Variants in MYO1E observed in about 807,000 individuals in gnomAD.
MYO1E encodes myosin IE, also known as unconventional myosin-Ie.
In MYO1E, 68 loss-of-function variants were observed where a neutral mutation model predicts 151.1. That is an observed-to-expected ratio of 0.45 (90% CI 0.37 to 0.55). The LOEUF is 0.55. Among genes scored for constraint, MYO1E ranks in the 20% least tolerant of loss-of-function variants. The pLI, the probability that MYO1E is intolerant of heterozygous loss-of-function variation, is 0.00. For missense variants in MYO1E, 1,363 were observed against 1,389.3 expected (o/e 0.98, Z 0.30); for synonymous variants, 601 against 501.7 (o/e 1.20, Z -2.64).
chr15:59,191,744 G>A (rs1670003375), intron 17 of MYO1E, among the ~76,000 whole-genome samples: 2 of 152,162 alleles, frequency 1.3e-5, no homozygotes, highest in South Asian at 4.2e-4. Context: ...TCATCAAAGC[G>A]ACACAAGTTG....
At chr15:59,365,366 C>G (rs1248600826) in intron 1 of MYO1E, among the ~76,000 whole-genome samples, 3 of 152,110 alleles carry the variant, frequency 2.0e-5, no homozygotes, top group Non-Finnish European at 4.4e-5. Flanking sequence ...TAACCTTCCA[C>G]CTACAAGCAG....
chr15:59,320,933 C>T (rs1199484157), intron 1 of MYO1E, among the ~76,000 whole-genome samples: 3 of 152,094 alleles, frequency 2.0e-5, no homozygotes, highest in African/African-American at 7.2e-5. Flanking sequence ...ACAAACTATG[C>T]ATCTGACAGA....
chr15:59,339,687 C>A (rs1482333057), intron 1 of MYO1E, among the ~76,000 whole-genome samples: 2 of 152,154 alleles, frequency 1.3e-5, no homozygotes, highest in Non-Finnish European at 2.9e-5. Flanking sequence ...GGTCTCCCTA[C>A]TAAGAATTTT....
chr15:59,247,410 A>G (rs2080136821), intron 4 of MYO1E, among the ~76,000 whole-genome samples: 1 of 152,226 alleles, frequency 6.6e-6, no homozygotes, highest in Admixed American at 6.5e-5. Context: ...ATAAGGTTTG[A>G]AGTCAGACAG....
chr15:59,161,878 TATC>T lies in MYO1E; in HGVS notation c.2628-651_2628-649del, dbSNP rs562523113. Among the ~76,000 whole-genome samples the T allele has an allele frequency of 3.6e-3, 541 of 152,336 alleles. 2 individuals are homozygous for T. The highest frequency in any genetic ancestry group is 5.3e-3 in the Non-Finnish European group (360 of 68,020). ...TCTGTTTTTAAGTTATATTTTCTGA[TATC>T]ATAAGAAGGAAAAATCATAATTTTA... On this transcript the variant is annotated intron_variant, in intron 23 of 27. Coordinates refer to ENST00000288235, the MANE Select transcript of MYO1E (RefSeq NM_004998.4).
At chr15:59,230,410 A>G (rs1467484623) in intron 6 of MYO1E, among the ~76,000 whole-genome samples, 1 of 152,198 alleles carries the variant, frequency 6.6e-6, no homozygotes, top group Non-Finnish European at 1.5e-5. Flanking sequence ...TGCAAAAATC[A>G]ATGAAAATAT....
At chr15:59,169,272 T>C (rs62004105) in intron 22 of MYO1E, among the ~76,000 whole-genome samples, 50,581 of 152,108 alleles carry the variant, frequency 0.33, 9,435 homozygotes, top group East Asian at 0.61. Context: ...CACATACAGA[T>C]GTTGCAGCTT....
intron 1 of MYO1E, among the ~76,000 whole-genome samples, chr15:59,349,794 A>C (rs1219093371): frequency 1.3e-5 from 2 of 152,162 alleles, no homozygotes; most frequent in African/African-American, 4.8e-5. Context: ...ACCTTACTCA[A>C]TTATTTCCAA....
chr15:59,142,585 G>A (rs991065245), intron 26 of MYO1E, among the ~76,000 whole-genome samples: 6 of 151,884 alleles, frequency 4.0e-5, no homozygotes, highest in Non-Finnish European at 8.8e-5. Context: ...TTATTAGTTC[G>A]CCCCATCCTC....
chr15:59,227,702 T>C (rs2080000551), intron 6 of MYO1E, 112 bp from the exon 7 acceptor site: 1 of 1,379,048 alleles, frequency 7.3e-7, no homozygotes, highest in Non-Finnish European at 1.0e-6. Context: ...AAATACACAT[T>C]CTGAATTACT....
chr15:59,284,865 T>C (rs763189571), intron 1 of MYO1E, among the ~76,000 whole-genome samples: 1 of 152,186 alleles, frequency 6.6e-6, no homozygotes, highest in Non-Finnish European at 1.5e-5. Context: ...CAGAATAATA[T>C]GAATCAAATG....
At chr15:59,245,405 T>A (rs1445136221) in intron 4 of MYO1E, among the ~76,000 whole-genome samples, 2 of 152,198 alleles carry the variant, frequency 1.3e-5, no homozygotes, top group Admixed American at 1.3e-4. Flanking sequence ...ATGACTACTA[T>A]CTCCTTTTCC....
At chr15:59,183,360 T>C (rs2079676130) in intron 18 of MYO1E, among the ~76,000 whole-genome samples, 2 of 152,082 alleles carry the variant, frequency 1.3e-5, no homozygotes, top group South Asian at 2.1e-4. Context: ...TTTTTTTTTT[T>C]TTCTTGTTTT....
At chr15:59,354,617 T>C (rs571961268) in intron 1 of MYO1E, among the ~76,000 whole-genome samples, 1 of 152,226 alleles carries the variant, frequency 6.6e-6, no homozygotes, top group South Asian at 2.1e-4. Context: ...GGCTCCAAAA[T>C]GGTGCCCAGG....
chr15:59,309,976 A>C (rs1596411140), intron 1 of MYO1E, among the ~76,000 whole-genome samples: 2 of 151,208 alleles, frequency 1.3e-5, no homozygotes, highest in African/African-American at 2.4e-5. Flanking sequence ...CCCCTCGACT[A>C]CTCCCCTTTC....
chr15:59,175,567 A>G (rs1463943699), intron 19 of MYO1E, among the ~76,000 whole-genome samples: 3 of 152,224 alleles, frequency 2.0e-5, no homozygotes, highest in African/African-American at 7.2e-5. Context: ...TGCTGTAAAC[A>G]ATAGGCATAA....
In MYO1E at chr15:59,151,516, C is replaced by G. The variant is rs575353240; in HGVS notation, c.3080+2074G>C. 3.9e-5 allele frequency among the ~76,000 whole-genome samples: 6 copies of G among 152,268 alleles called. No individual in the cohort carries two copies. In the South Asian group the frequency reaches 6.2e-4, roughly 16 times the overall value. On this transcript the variant is annotated intron_variant, in intron 26 of 27. Coordinates refer to ENST00000288235, the MANE Select transcript of MYO1E (RefSeq NM_004998.4). Reference sequence around the variant, plus strand: ...TGAAGTGAGATAAGACTTGCCAGGGCAAAAGGAATGCTGCTAGGAGAGAAC... The same window carrying G: ...TGAAGTGAGATAAGACTTGCCAGGGGAAAAGGAATGCTGCTAGGAGAGAAC...
Position 59,161,347 on chromosome 15 carries a change from A to C in MYO1E, c.2628-117T>G, listed in dbSNP as rs530684337. 1.5e-5 allele frequency: 17 copies of C among 1,129,230 alleles called. 1 individual carries two copies. Among genetic ancestry groups the C allele is most frequent in the East Asian group, 1.1e-4 (4 of 37,348 alleles). 70.0% of individuals were successfully genotyped at this position (1,129,230 alleles called of 1,614,324 possible). The stretch of plus-strand genomic sequence containing the variant: ...GCATAAACATGAGGCGAGAACGGAC[A>C]ATCTACACCAGGAGCAGGGCCCTGA... On this transcript the variant is annotated intron_variant, in intron 23 of 27. Coordinates refer to ENST00000288235, the MANE Select transcript of MYO1E (RefSeq NM_004998.4).
At chr15:59,336,393 C>T (rs1479597291) in intron 1 of MYO1E, among the ~76,000 whole-genome samples, 5 of 151,918 alleles carry the variant, frequency 3.3e-5, no homozygotes, top group African/African-American at 1.2e-4. Context: ...AGAAAAAACC[C>T]TAGATTCAAA....
Sources: allele counts gnomAD v4.1 joint callset (sites outside exome capture counted in the v4.1 genomes callset), GRCh38; gene constraint gnomAD v4.1.1; transcripts MANE v1.5; gene names NCBI Gene and HGNC (gene_info 2026-07-23, HGNC 2026-07-21).